The following KDM5C variants were observed in gnomAD, a reference collection of about 807,000 sequenced individuals.
KDM5C encodes the protein lysine-specific demethylase 5C.
In KDM5C, 16 loss-of-function variants were observed where a neutral mutation model predicts 110.6. The observed-to-expected ratio is 0.14, with a 90% CI of 0.10 to 0.22. The LOEUF is 0.22. Among genes scored for constraint, KDM5C ranks in the 10% least tolerant of loss-of-function variants. KDM5C has a pLI of 1.00. For missense variants in KDM5C, 681 were observed against 1,300.9 expected (o/e 0.52, Z 7.33); for synonymous variants, 511 against 520.4 (o/e 0.98, Z 0.24).
intron 12 of KDM5C, among the ~76,000 whole-genome samples, chrX:53,206,904 G>A (rs1255861105): frequency 1.0e-5 from 1 of 98,710 alleles, no homozygotes; most frequent in Non-Finnish European, 2.0e-5. Context: ...ATCAAGCACA[G>A]TGGCTCATGC....
At position 53,216,054 on chromosome X, in the gene KDM5C, C is replaced by T. The variant is rs1374827077; in HGVS notation, c.781+20G>A. The T allele has an allele frequency of 2.5e-6, 3 of 1,211,090 alleles. No individual in the cohort carries two copies. The highest frequency in any genetic ancestry group is 3.4e-6 in the Non-Finnish European group (3 of 895,399). ...GACTTTTCTCCCCAGGTGAGGCCAC[C>T]CCAGCCTGTTAGGCCTTACCTTTCT... On this transcript the variant is annotated intron_variant, in intron 6 of 25. Transcript: ENST00000375401.
chrX:53,190,447 C>G (rs782778466), downstream of KDM5C, among the ~76,000 whole-genome samples: 1 of 112,598 alleles, frequency 8.9e-6, no homozygotes, highest in East Asian at 2.8e-4. Flanking sequence ...TAGGCACCAT[C>G]TCTTCCTCTC....
At position 53,193,217 on chromosome X, in the gene KDM5C, T is replaced by C. The variant is rs782651187; in HGVS notation, c.4433A>G (p.Glu1478Gly). Residue 1478 changes from glutamate to glycine, a missense_variant, in exon 26 of 26, where the codon GAG (glutamate) becomes GGG (glycine). Glu to Gly is a moderately conservative substitution (Grantham distance 98). Coordinates refer to ENST00000375401, the MANE Select transcript of KDM5C (RefSeq NM_004187.5). ...CCCTGAGCTCCGTACCCTCTTTGGC[T>C]CTAGCTCCTCTCGGGCTGGGTCATC... is the stretch of plus-strand genomic sequence containing the variant. ...EGDDPAREEL[E>G]PKRVRSSGPE... 39 of 1,209,452 alleles carry C rather than the reference T, an allele frequency of 3.2e-5. 1 individual carries two copies. The highest frequency in any genetic ancestry group is 4.4e-5 in the Non-Finnish European group (39 of 895,202).
rs150396492 is a variant in KDM5C at position 53,183,117 on chromosome X, G to C, written c.4309-6495C>G. On this transcript the variant is annotated intron_variant, in intron 25 of 25. Transcript: ENST00000685641. ...ATCTCTCCCCTCGTTGAATGGACTT[G>C]GCACTCTTGTAAAACATCAATTGGT... Among the ~76,000 whole-genome samples, 20 of 109,869 alleles carry C rather than the reference G, an allele frequency of 1.8e-4. No homozygotes were observed. In the East Asian group the frequency reaches 5.7e-3, roughly 31 times the overall value.
intron 25 of KDM5C, among the ~76,000 whole-genome samples, chrX:53,183,114 C>A (rs1052803085): frequency 1.8e-5 from 2 of 109,911 alleles, no homozygotes; most frequent in Non-Finnish European, 3.8e-5. Flanking sequence ...GTTGAATGGA[C>A]TTGGCACTCT....
chrX:53,218,112 T>C, intron 3 of KDM5C, 146 bp from the exon 4 acceptor site: 1 of 888,212 alleles, frequency 1.1e-6, no homozygotes, highest in Non-Finnish European at 1.6e-6. Flanking sequence ...AACCTCAAAT[T>C]GCAGCAAAAG....
At chrX:53,216,043 G>T in intron 6 of KDM5C, 31 bp downstream of exon 6, 1 of 1,212,211 alleles carries the variant, frequency 8.2e-7, no homozygotes, top group African/African-American at 1.7e-5. Flanking sequence ...TTTCTCCCCA[G>T]GTGAGGCCAC....
chrX:53,220,548 C>T, intron 2 of KDM5C, among the ~76,000 whole-genome samples: 1 of 112,362 alleles, frequency 8.9e-6, no homozygotes, highest in Non-Finnish European at 1.9e-5. Flanking sequence ...CTAGGGTAGG[C>T]TAGTTTACAG....
At chrX:53,190,498 T>C (rs1934371476), downstream of KDM5C, among the ~76,000 whole-genome samples, 1 of 112,235 alleles carries the variant, frequency 8.9e-6, no homozygotes, top group Non-Finnish European at 1.9e-5. Context: ...TTGGCAGTGG[T>C]AGTTAAGTGC....
rs1210432656 is a variant in KDM5C at position 53,217,983 on chromosome X, G to C, written c.352-17C>G. 1 of 1,206,465 alleles carries C rather than the reference G, an allele frequency of 8.3e-7. No individual in the cohort carries two copies. Among genetic ancestry groups the C allele is most frequent in the African/African-American group, 1.7e-5 (1 of 57,636 alleles). ...CACCACAATCTGAAAAAACAAGTAG[G>C]AAAAGACATGGATGTGCCACGTGTA... On this transcript the variant is annotated splice_polypyrimidine_tract_variant and intron_variant, in intron 3 of 25. Transcript: ENST00000375401.
At chrX:53,215,403 T>C (rs981820168) in intron 7 of KDM5C, among the ~76,000 whole-genome samples, 1 of 112,142 alleles carries the variant, frequency 8.9e-6, no homozygotes, top group Non-Finnish European at 1.9e-5. Context: ...GCATACTGCA[T>C]CTTACGGGGA....
chrX:53,184,740 G>GCAT (rs1934171113), intron 25 of KDM5C, among the ~76,000 whole-genome samples: 1 of 112,023 alleles, frequency 8.9e-6, no homozygotes, highest in Non-Finnish European at 1.9e-5. Flanking sequence ...TGGGGATTTT[G>GCAT]CATCTATATT....
At position 53,176,584 on chromosome X, in the gene KDM5C, G is replaced by A. The variant is rs1421361028; in HGVS notation, c.4347C>T (p.Asn1449=). ...GGATGTGGTGATATGGGAGATTTCA[G>A]TTCCTCGATTCTCTCTGGGAGGCCT... The change falls in exon 26 of 26, where the codon AAC becomes AAT. Residue 1449 remains asparagine (N), a synonymous_variant. Coordinates refer to the KDM5C transcript ENST00000685641. Among the ~76,000 whole-genome samples the A allele has an allele frequency of 2.7e-5, 3 of 111,902 alleles. No homozygotes were observed. The Admixed American group carries it at 2.9e-4, about 11-fold the overall frequency.
intron 12 of KDM5C, chrX:53,202,766 G>C (rs2073183423): frequency 9.0e-6 from 1 of 111,021 alleles, no homozygotes; most frequent in Non-Finnish European, 1.9e-5. Flanking sequence ...TTTAAAGAAA[G>C]TCTCTATTCT....
At position 53,210,819 on chromosome X, in the gene KDM5C, C is replaced by G. The variant is rs143784215; in HGVS notation, c.1440G>C (p.Pro480=). The change falls in exon 11 of 26, where the codon CCG becomes CCC. Residue 480 remains proline (P), a synonymous_variant. Coordinates refer to ENST00000375401, the MANE Select transcript of KDM5C (RefSeq NM_004187.5). Reference sequence around the variant, plus strand: ...GGCACAGTACAGACTGTTCCAACACCGGCATCACATTTAGGTTCCAACCAC... The same window carrying G: ...GGCACAGTACAGACTGTTCCAACACGGGCATCACATTTAGGTTCCAACCAC... The part of the protein sequence containing the change: ...ATSGWNLNVM[P]VLEQSVLCHI... 13 of 1,209,751 alleles carry G rather than the reference C, an allele frequency of 1.1e-5. No individual in the cohort carries two copies. The highest frequency in any genetic ancestry group is 1.3e-5 in the Non-Finnish European group (12 of 894,906).
intron 7 of KDM5C, 88 bp from the exon 8 acceptor site, chrX:53,214,935 T>C (rs1196983160): frequency 9.7e-7 from 1 of 1,027,169 alleles, no homozygotes; most frequent in Non-Finnish European, 1.4e-6. Context: ...AGGCTAGTCA[T>C]GCTAGGTCTG....
downstream of KDM5C, chrX:53,191,468 G>A (rs1934415306): frequency 5.8e-6 from 1 of 173,520 alleles, no homozygotes; most frequent in Admixed American, 7.9e-5. Context: ...GCACAACTCT[G>A]AATATACTAA....
intron 1 of KDM5C, 147 bp downstream of exon 1, chrX:53,224,593 C>T: frequency 2.8e-6 from 2 of 722,197 alleles, no homozygotes; most frequent in Non-Finnish European, 4.1e-6. Flanking sequence ...TGGCCCAACA[C>T]CCTTTTTCCG....
chrX:53,193,685 T>C lies in KDM5C; in HGVS notation c.4118-49A>G, dbSNP rs782526622. On this transcript the variant is annotated intron_variant, in intron 24 of 25. Coordinates refer to ENST00000375401, the MANE Select transcript of KDM5C (RefSeq NM_004187.5). Reference sequence around the variant, plus strand: ...GCATTAGAGGCTGCCCTTGGTCTTATCCCCACCACTACAACAGAGCTGAGG... The same window carrying C: ...GCATTAGAGGCTGCCCTTGGTCTTACCCCCACCACTACAACAGAGCTGAGG... 26 of 1,183,372 alleles carry C rather than the reference T, an allele frequency of 2.2e-5. No individual in the cohort carries two copies. The South Asian group carries it at 4.7e-4, about 21-fold the overall frequency.
Sources: gnomAD v4.1 joint callset for allele counts (sites outside exome capture counted in the v4.1 genomes callset) on GRCh38, gnomAD v4.1.1 for gene constraint, MANE v1.5 for transcripts, NCBI Gene and HGNC (gene_info 2026-07-23, HGNC 2026-07-21) for gene names.